KCNIP4: variants seen among roughly 807,000 people sequenced by gnomAD.
KCNIP4 encodes the protein potassium voltage-gated channel interacting protein 4, also known as Kv channel-interacting protein 4.
In KCNIP4, 12 loss-of-function variants were observed where a neutral mutation model predicts 34.0. The ratio of observed to expected loss-of-function variants is 0.35; its 90% CI spans 0.23 to 0.57. KCNIP4 has a LOEUF of 0.57. Ranked by LOEUF, KCNIP4 falls within the 20% of genes least tolerant of loss-of-function variation. KCNIP4 has a pLI of 0.83. For missense variants in KCNIP4, 238 were observed against 311.7 expected (o/e 0.76, Z 1.78); for synonymous variants, 124 against 102.2 (o/e 1.21, Z -1.29).
rs1001244768 is a variant in KCNIP4 at position 21,614,573 on chromosome 4, T to C, written c.61+333998A>G. ...CATATTAAATCAAATATACATTATA[T>C]ATAAAATAAAATTACATTACATTAA... is the stretch of plus-strand genomic sequence containing the variant. On this transcript the variant is annotated intron_variant, in intron 1 of 8. Coordinates refer to ENST00000382152, the MANE Select transcript of KCNIP4 (RefSeq NM_025221.6). 2.7e-5 allele frequency among the ~76,000 whole-genome samples: 4 copies of C among 148,372 alleles called. No homozygotes were observed. In the Admixed American group the frequency reaches 2.7e-4, roughly 10 times the overall value.
At chr4:21,392,568 C>A (rs1171325922) in intron 1 of KCNIP4, among the ~76,000 whole-genome samples, 1 of 152,218 alleles carries the variant, frequency 6.6e-6, no homozygotes, top group African/African-American at 2.4e-5. Flanking sequence ...GTGAGCTTCA[C>A]AAACGCTGTT....
rs116201692 is a variant in KCNIP4 at position 21,717,956 on chromosome 4, C to T, written c.61+230615G>A. On this transcript the variant is annotated intron_variant, in intron 1 of 8. Coordinates refer to ENST00000382152, the MANE Select transcript of KCNIP4 (RefSeq NM_025221.6). Reference sequence around the variant, plus strand: ...TCATCCTGGCATCTTTTTGACTTCTCTGTTCTGAATCTGTTCATTTCATGT... The same window carrying T: ...TCATCCTGGCATCTTTTTGACTTCTTTGTTCTGAATCTGTTCATTTCATGT... 1.3e-3 allele frequency among the ~76,000 whole-genome samples: 205 copies of T among 152,296 alleles called. 1 individual carries two copies. The highest frequency in any genetic ancestry group is 4.6e-3 in the African/African-American group (193 of 41,578).
chr4:21,001,148 C>G (rs764983637), intron 1 of KCNIP4, among the ~76,000 whole-genome samples: 2 of 152,070 alleles, frequency 1.3e-5, no homozygotes, highest in Non-Finnish European at 2.9e-5. Flanking sequence ...AAATATCTAC[C>G]GAAAGCAACA....
intron 1 of KCNIP4, among the ~76,000 whole-genome samples, chr4:21,900,716 T>C (rs952391084): frequency 5.9e-5 from 9 of 152,212 alleles, no homozygotes; most frequent in African/African-American, 2.2e-4. Flanking sequence ...AGGAATAGTG[T>C]AAACATTGTT....
At chr4:21,383,778 A>C (rs112613382) in intron 1 of KCNIP4, among the ~76,000 whole-genome samples, 1 of 152,120 alleles carries the variant, frequency 6.6e-6, no homozygotes, top group African/African-American at 2.4e-5. Context: ...CAACACCCAG[A>C]GGGTTCATTA....
rs184187114 is a variant in KCNIP4 at position 21,855,222 on chromosome 4, T to C, written c.61+93349A>G. ...TCACCCCTGTATCTCCGCTTTCCCATTTTTCTAGCATGACAGTCTACATAA... is the reference window on the plus strand; with the variant it reads ...TCACCCCTGTATCTCCGCTTTCCCACTTTTCTAGCATGACAGTCTACATAA... On this transcript the variant is annotated intron_variant, in intron 1 of 8. Coordinates refer to ENST00000382152, the MANE Select transcript of KCNIP4 (RefSeq NM_025221.6). Among the ~76,000 whole-genome samples the C allele has an allele frequency of 3.6e-3, 552 of 152,330 alleles. 5 individuals carry two copies. The highest frequency in any genetic ancestry group is 0.024 in the Middle Eastern group (7 of 294).
intron 1 of KCNIP4, among the ~76,000 whole-genome samples, chr4:20,927,617 T>A (rs1054756547): frequency 6.6e-6 from 1 of 152,160 alleles, no homozygotes; most frequent in Non-Finnish European, 1.5e-5. Context: ...TGGAGTAACT[T>A]TACCCCCAAA....
intron 1 of KCNIP4, among the ~76,000 whole-genome samples, chr4:21,022,867 C>A (rs969108054): frequency 1.3e-5 from 2 of 151,718 alleles, no homozygotes; most frequent in Admixed American, 6.6e-5. Context: ...GCTTTTTCGC[C>A]CAGTCTGGAG....
intron 1 of KCNIP4, among the ~76,000 whole-genome samples, chr4:21,053,331 T>A (rs1173834679): frequency 6.6e-6 from 1 of 152,146 alleles, no homozygotes; most frequent in African/African-American, 2.4e-5. Context: ...ATTAAAAACA[T>A]GTAAAAGAAT....
chr4:21,406,134 C>G (rs1310123225), intron 1 of KCNIP4, among the ~76,000 whole-genome samples: 1 of 152,128 alleles, frequency 6.6e-6, no homozygotes, highest in East Asian at 1.9e-4. Context: ...TGTACCTGGC[C>G]CCGTCATCTT....
intron 1 of KCNIP4, among the ~76,000 whole-genome samples, chr4:21,128,341 T>C (rs1307782108): frequency 1.3e-5 from 2 of 152,158 alleles, no homozygotes; most frequent in African/African-American, 4.8e-5. Context: ...AAAAATCAAA[T>C]GAGTACTTGC....
intron 1 of KCNIP4, among the ~76,000 whole-genome samples, chr4:21,760,104 C>T: frequency 6.6e-6 from 1 of 151,936 alleles, no homozygotes; most frequent in Admixed American, 6.6e-5. Context: ...ATGTTCTCAC[C>T]CATAATGTTG....
At chr4:21,908,670 T>A (rs1728132157) in intron 1 of KCNIP4, among the ~76,000 whole-genome samples, 1 of 152,184 alleles carries the variant, frequency 6.6e-6, no homozygotes, top group African/African-American at 2.4e-5. Context: ...GGAGAGGAAG[T>A]TAGGGATCAT....
chr4:21,907,389 C>T (rs143623163), intron 1 of KCNIP4, among the ~76,000 whole-genome samples: 90 of 152,290 alleles, frequency 5.9e-4, no homozygotes, highest in African/African-American at 2.1e-3. Flanking sequence ...CCAGAAGCTG[C>T]CACCATGTTC....
At chr4:21,840,338 C>T (rs925542808) in intron 1 of KCNIP4, among the ~76,000 whole-genome samples, 6 of 152,012 alleles carry the variant, frequency 3.9e-5, no homozygotes, top group Non-Finnish European at 5.9e-5. Context: ...CCACCGTAGA[C>T]GACGTTGCAC....
intron 1 of KCNIP4, among the ~76,000 whole-genome samples, chr4:21,344,153 T>C (rs965986492): frequency 6.6e-6 from 1 of 152,160 alleles, no homozygotes; most frequent in Non-Finnish European, 1.5e-5. Flanking sequence ...TAGTGGTGGA[T>C]TTTCCAATAA....
intron 1 of KCNIP4, among the ~76,000 whole-genome samples, chr4:21,343,375 C>A (rs892521081): frequency 1.3e-5 from 2 of 151,848 alleles, no homozygotes; most frequent in African/African-American, 4.8e-5. Context: ...AGGAGAGATG[C>A]CAGAGGAAAT....
chr4:21,284,734 TTGTGTG>T (rs10547040), intron 1 of KCNIP4, among the ~76,000 whole-genome samples: 28 of 149,468 alleles, frequency 1.9e-4, no homozygotes, highest in Admixed American at 2.7e-4. Flanking sequence ...GTGGGTGCCC[TTGTGTG>T]TGTGTGTGTG....
chr4:21,907,926 T>C (rs1263042876), intron 1 of KCNIP4, among the ~76,000 whole-genome samples: 1 of 152,144 alleles, frequency 6.6e-6, no homozygotes. Flanking sequence ...TTGTATCTGG[T>C]ATACAGTTGA....
Sources: gnomAD v4.1 joint callset for allele counts (sites outside exome capture counted in the v4.1 genomes callset) on GRCh38, gnomAD v4.1.1 for gene constraint, MANE v1.5 for transcripts, NCBI Gene and HGNC (gene_info 2026-07-23, HGNC 2026-07-21) for gene names.